Variants in BCAS3 observed in about 807,000 individuals in gnomAD.
BCAS3 encodes BCAS3 microtubule associated cell migration factor, also known as BCAS4/BCAS3 fusion.
In BCAS3, 53 loss-of-function variants were observed where a neutral mutation model predicts 116.1. The observed-to-expected ratio is 0.46, with a 90% confidence interval of 0.37 to 0.57. The LOEUF (loss-of-function observed/expected upper bound fraction) is 0.57, where lower values mean the gene tolerates loss of function less well. Ranked by LOEUF, BCAS3 falls within the 20% of genes least tolerant of loss-of-function variation. The probability of loss-of-function intolerance (pLI) is 0.00; values close to 1 mark genes in which losing one functional copy is unlikely to be tolerated. For missense variants in BCAS3, 917 were observed against 1,165.4 expected, an observed-to-expected ratio of 0.79 and a Z score of 3.10; for synonymous variants, 391 against 408.2, an observed-to-expected ratio of 0.96 and a Z score of 0.51.
rs561929404 is a variant in BCAS3, at chr17:60,822,544, A to G, written c.476+14468A>G. Among the ~76,000 whole-genome samples the G allele has an allele frequency of 8.5e-5, 13 of 152,358 alleles. No individual in the cohort carries two copies. The South Asian group carries it at 2.7e-3, about 32-fold the overall frequency. On this transcript the variant is annotated intron_variant, in intron 7 of 23. Transcript: ENST00000407086. ...TTTCTGGCATAACAGTTTTTGCACA[A>G]AACACAGTTTTCAATAAATATAAGT...
intron 13 of BCAS3, among the ~76,000 whole-genome samples, chr17:60,925,100 A>C (rs889515742): frequency 6.6e-6 from 1 of 150,720 alleles, no homozygotes; most frequent in Admixed American, 6.6e-5. Flanking sequence ...TTTTAAAAAA[A>C]GATAAAGACA....
In BCAS3 at chr17:61,362,777, G is replaced by GT. The variant is rs1434176978; in HGVS notation, c.2426-5544dup. The GT allele has an allele frequency of 2.0e-5, 3 of 152,216 alleles. No homozygotes were observed. The highest frequency in any genetic ancestry group is 7.2e-5 in the African/African-American group (3 of 41,454). 9.4% of individuals were successfully genotyped at this position (152,216 alleles called of 1,614,324 possible). A position where few individuals can be genotyped will look rare whatever the true frequency, so the allele number is the denominator to read the frequency against. Reference sequence around the variant, plus strand: ...TCTGCCGTCCTAGACAGATTGTTTTGTTTTTTCCAATTTCCAGGATCTCCA... The same window carrying GT: ...TCTGCCGTCCTAGACAGATTGTTTTGTTTTTTTCCAATTTCCAGGATCTCCA... On this transcript the variant is annotated intron_variant, in intron 22 of 23. Transcript: ENST00000407086. This position sits in a 1 kb window ranked among gnomAD's most constrained non-coding sequence, Gnocchi z 4.4.
intron 19 of BCAS3, among the ~76,000 whole-genome samples, chr17:61,070,517 A>T (rs2071325240): frequency 1.3e-5 from 2 of 151,154 alleles, no homozygotes; most frequent in South Asian, 4.2e-4. Context: ...GTAATTTCAG[A>T]TGATTCAATA....
At chr17:60,692,052 CA>C (rs773823418) in intron 4 of BCAS3, among the ~76,000 whole-genome samples, 7,795 of 109,798 alleles carry the variant, frequency 0.071, 644 homozygotes, top group African/African-American at 0.22. Flanking sequence ...AACTCTGTCT[CA>C]AAAAAAAAAA....
chr17:61,084,967 A>G lies in BCAS3; in HGVS notation c.2425+403A>G, dbSNP rs2072959455. Among the ~76,000 whole-genome samples the G allele has an allele frequency of 6.6e-6, 1 of 152,210 alleles. No homozygotes were observed. Among genetic ancestry groups the G allele is most frequent in the African/African-American group, 2.4e-5 (1 of 41,454 alleles). Reference sequence around the variant, plus strand: ...GTGGGAGTAGAGAGGAGACAGTCCAAATGCTATAGCTTGAATGATTTTATT... The same window carrying G: ...GTGGGAGTAGAGAGGAGACAGTCCAGATGCTATAGCTTGAATGATTTTATT... On this transcript the variant is annotated intron_variant, in intron 22 of 23. Coordinates refer to ENST00000407086, the MANE Select transcript of BCAS3 (RefSeq NM_017679.5). This position sits in a 1 kb window ranked among gnomAD's most constrained non-coding sequence, Gnocchi z 5.5.
Position 61,388,803 on chromosome 17 carries a change from C to A in BCAS3, c.2594-3174C>A. 5.2e-6 allele frequency: 6 copies of A among 1,151,042 alleles called. No homozygotes were observed. The South Asian group carries it at 8.4e-5, about 16-fold the overall frequency. 71.3% of individuals were successfully genotyped at this position (1,151,042 alleles called of 1,614,324 possible). A position where few individuals can be genotyped will look rare whatever the true frequency, so the allele number is the denominator to read the frequency against. On this transcript the variant is annotated intron_variant, in intron 23 of 23. Transcript: ENST00000407086. The surrounding 1 kb of genome is among the most constrained non-coding windows in gnomAD (Gnocchi z 6.5). ...ATCTGAGCAGCCCTCCTCCCCTCCA[C>A]TTCCCACACACACCCCTGCCTGCAG... is the stretch of plus-strand genomic sequence containing the variant.
chr17:60,876,595 T>C (rs186936811), intron 9 of BCAS3, among the ~76,000 whole-genome samples: 1 of 152,284 alleles, frequency 6.6e-6, no homozygotes, highest in East Asian at 1.9e-4. Flanking sequence ...TGCTGCCTTC[T>C]GTTGAGACTA....
At chr17:60,679,308 G>T (rs1201128794) in intron 1 of BCAS3, 145 bp from the exon 2 acceptor site, 1 of 575,504 alleles carries the variant, frequency 1.7e-6, no homozygotes, top group Middle Eastern at 2.7e-4. Context: ...CCTTTCTGGT[G>T]TAACAGGAAT....
chr17:60,755,807 T>A (rs1324919536), intron 6 of BCAS3, among the ~76,000 whole-genome samples: 3 of 152,204 alleles, frequency 2.0e-5, no homozygotes, highest in African/African-American at 7.2e-5. Flanking sequence ...TTTTTAATTT[T>A]AAAAATTGAT....
intron 19 of BCAS3, among the ~76,000 whole-genome samples, chr17:61,045,858 TATATATA>T (rs1418066171): frequency 8.2e-3 from 4 of 490 alleles, no homozygotes; most frequent in Non-Finnish European, 0.014. Context: ...TCTATATATA[TATATATA>T]AATATATATA....
At chr17:61,102,962 T>C (rs1351488723) in intron 22 of BCAS3, among the ~76,000 whole-genome samples, 2 of 152,154 alleles carry the variant, frequency 1.3e-5, no homozygotes, top group Non-Finnish European at 2.9e-5. Context: ...GGTTATACTA[T>C]TGTCCCCATT....
At chr17:61,155,561 C>G (rs2077786772) in intron 22 of BCAS3, among the ~76,000 whole-genome samples, 1 of 151,526 alleles carries the variant, frequency 6.6e-6, no homozygotes, top group East Asian at 1.9e-4. Context: ...GCTGCTCTCT[C>G]TAGGAGCGAA....
chr17:61,042,847 G>A (rs1364300565), intron 19 of BCAS3, among the ~76,000 whole-genome samples: 3 of 129,590 alleles, frequency 2.3e-5, no homozygotes, highest in African/African-American at 6.0e-5. Flanking sequence ...CCAAGATCAC[G>A]CCCTTGCATT....
chr17:61,116,995 G>A (rs189600619), intron 22 of BCAS3, among the ~76,000 whole-genome samples: 1 of 152,108 alleles, frequency 6.6e-6, no homozygotes, highest in Non-Finnish European at 1.5e-5. Context: ...CCTGTTTGAA[G>A]TTCAGGATTT....
intron 22 of BCAS3, among the ~76,000 whole-genome samples, chr17:61,149,762 T>C (rs1336645088): frequency 6.6e-6 from 1 of 152,226 alleles, no homozygotes; most frequent in African/African-American, 2.4e-5. Context: ...TCTGAGGCGT[T>C]TGTCTTCTTA....
intron 19 of BCAS3, among the ~76,000 whole-genome samples, chr17:61,055,643 G>T (rs573151535): frequency 6.6e-6 from 1 of 152,314 alleles, no homozygotes; most frequent in Non-Finnish European, 1.5e-5. Flanking sequence ...GTAGTCTGGA[G>T]AACTGGTATA....
At chr17:60,859,315 T>C (rs946767955) in intron 7 of BCAS3, among the ~76,000 whole-genome samples, 12 of 152,154 alleles carry the variant, frequency 7.9e-5, no homozygotes, top group African/African-American at 2.9e-4. Context: ...TAGTACCCGA[T>C]AGGTAGTTTT....
chr17:60,865,712 G>A (rs749198375), intron 7 of BCAS3, among the ~76,000 whole-genome samples: 2 of 152,100 alleles, frequency 1.3e-5, no homozygotes, highest in Non-Finnish European at 2.9e-5. Context: ...ATCTGTGATG[G>A]TTTTATTTCT....
chr17:61,242,955 A>G (rs1366410720), intron 22 of BCAS3, among the ~76,000 whole-genome samples: 1 of 151,252 alleles, frequency 6.6e-6, no homozygotes, highest in Non-Finnish European at 1.5e-5. Flanking sequence ...CCATGTCACC[A>G]GGTTGGAGTG....
Sources: gnomAD v4.1 joint callset for allele counts (sites outside exome capture counted in the v4.1 genomes callset) on GRCh38, gnomAD v4.1.1 for gene constraint, Gnocchi (gnomAD v3.1) non-coding constraint, MANE v1.5 for transcripts, NCBI Gene and HGNC (gene_info 2026-07-23, HGNC 2026-07-21) for gene names.